The following ARHGAP5 variants were observed in gnomAD, a reference collection of about 807,000 sequenced individuals.
ARHGAP5 encodes the protein rho GTPase-activating protein 5.
ARHGAP5 carries 23 observed loss-of-function variants against 116.6 expected under a neutral mutation model. That is an observed-to-expected ratio of 0.20 (90% confidence interval 0.14 to 0.28). The LOEUF is 0.28. Ranked by LOEUF, ARHGAP5 falls within the 10% of genes least tolerant of loss-of-function variation. ARHGAP5 has a pLI of 1.00. For synonymous variants in ARHGAP5, 574 were observed against 602.0 expected, an observed-to-expected ratio of 0.95 and a Z score of 0.68; for missense variants, 1,405 against 1,774.8, an observed-to-expected ratio of 0.79 and a Z score of 3.74.
chr14:32,146,194 A>G (rs976903594), intron 3 of ARHGAP5, 69 bp from the exon 4 acceptor site: 2 of 1,172,112 alleles, frequency 1.7e-6, no homozygotes, highest in Non-Finnish European at 2.5e-6. Flanking sequence ...TACAAACATG[A>G]GCCACTGTGC....
At chr14:32,148,613 A>G (rs1468203214) in intron 4 of ARHGAP5, among the ~76,000 whole-genome samples, 1 of 152,220 alleles carries the variant, frequency 6.6e-6, no homozygotes, top group Non-Finnish European at 1.5e-5. Flanking sequence ...TTTAAATGAA[A>G]TCTAAATGTT....
intron 3 of ARHGAP5, among the ~76,000 whole-genome samples, chr14:32,129,435 C>A (rs144730253): frequency 1.1e-4 from 16 of 152,218 alleles, no homozygotes; most frequent in Admixed American, 7.2e-4. Context: ...ATCTTTAAAG[C>A]GTAGCAGTTA....
chr14:32,102,334 A>G (rs1055877158), intron 2 of ARHGAP5, among the ~76,000 whole-genome samples: 1 of 152,162 alleles, frequency 6.6e-6, no homozygotes, highest in South Asian at 2.1e-4. Context: ...TTCCTAACCA[A>G]TACAGTCTGT....
chr14:32,123,918 A>C (rs1880014171), intron 3 of ARHGAP5, among the ~76,000 whole-genome samples: 1 of 152,278 alleles, frequency 6.6e-6, no homozygotes, highest in Middle Eastern at 3.4e-3. Flanking sequence ...ATCTTCTGAG[A>C]ATAAAACTTG....
chr14:32,125,149 A>C (rs940929005), intron 3 of ARHGAP5, among the ~76,000 whole-genome samples: 3 of 152,186 alleles, frequency 2.0e-5, no homozygotes, highest in Admixed American at 6.5e-5. Flanking sequence ...CCCTGTACAC[A>C]TTAAGCAGTT....
chr14:32,143,648 T>C lies in ARHGAP5; in HGVS notation c.3866-2615T>C, dbSNP rs560806429. On this transcript the variant is annotated intron_variant, in intron 3 of 6. Coordinates refer to ENST00000345122, the MANE Select transcript of ARHGAP5 (RefSeq NM_001030055.2). ...GCTTGGAGGTCCAGGATGGATACTT[T>C]GGGTGATTTAAGGCCATATAAAACT... 5.3e-5 allele frequency among the ~76,000 whole-genome samples: 8 copies of C among 152,352 alleles called. No homozygotes were observed. In the East Asian group the frequency reaches 1.5e-3, roughly 29 times the overall value.
chr14:32,119,914 G>A (rs370327174), intron 3 of ARHGAP5, among the ~76,000 whole-genome samples: 10 of 152,066 alleles, frequency 6.6e-5, no homozygotes, highest in African/African-American at 2.4e-4. Context: ...GCATCCTGAA[G>A]GATTTTAGTC....
chr14:32,130,361 G>A (rs977229334), intron 3 of ARHGAP5, among the ~76,000 whole-genome samples: 1 of 148,558 alleles, frequency 6.7e-6, no homozygotes, highest in African/African-American at 2.5e-5. Flanking sequence ...ACAGGTGCCT[G>A]CTATCACACC....
intron 1 of ARHGAP5, among the ~76,000 whole-genome samples, chr14:32,086,406 G>A (rs991485887): frequency 1.3e-5 from 2 of 152,112 alleles, no homozygotes; most frequent in Non-Finnish European, 2.9e-5. Flanking sequence ...GCTCTGATAT[G>A]AATAGACTGG....
chr14:32,140,445 G>A (rs1327250305), intron 3 of ARHGAP5, among the ~76,000 whole-genome samples: 1 of 151,884 alleles, frequency 6.6e-6, no homozygotes, highest in Admixed American at 6.6e-5. Context: ...AAATTAGCCA[G>A]GTGTGTTGGC....
intron 1 of ARHGAP5, among the ~76,000 whole-genome samples, chr14:32,088,865 T>C (rs974151237): frequency 5.3e-5 from 8 of 151,970 alleles, no homozygotes; most frequent in Admixed American, 2.0e-4. Context: ...AAATGATTTA[T>C]AGATATAGCT....
intron 3 of ARHGAP5, among the ~76,000 whole-genome samples, chr14:32,139,871 CT>C (rs1881003148): frequency 6.7e-6 from 1 of 148,504 alleles, no homozygotes; most frequent in Non-Finnish European, 1.5e-5. Flanking sequence ...GTATATTGTT[CT>C]TTTTGTTCAT....
At position 32,091,993 on chromosome 14, in the gene ARHGAP5, C is replaced by G; in HGVS notation, c.1324C>G (p.Gln442Glu). The change falls in exon 2 of 7, where the codon CAA (glutamine) becomes GAA (glutamate). Residue 442 changes from glutamine (Q) to glutamate (E), a missense_variant. By Grantham distance (29) the Gln-to-Glu change is conservative. This residue lies in a region of ARHGAP5 where 944 missense variants were observed against 1,095.3 expected (regional missense o/e 0.86). Transcript: ENST00000345122. ...EKFKKTLEKI[Q>E]FISPGQPWEE... ...ATTCAAAAAGACTTTGGAAAAAATT[C>G]AATTCATTTCACCAGGGCAGCCATG... 17 of 1,613,556 alleles carry G rather than the reference C, an allele frequency of 1.1e-5. No homozygotes were observed. The highest frequency in any genetic ancestry group is 1.4e-5 in the Non-Finnish European group (17 of 1,179,676).
chr14:32,082,507 C>T (rs1011229196), intron 1 of ARHGAP5, among the ~76,000 whole-genome samples: 4 of 152,106 alleles, frequency 2.6e-5, no homozygotes, highest in Non-Finnish European at 4.4e-5. Flanking sequence ...AGCCAGTTAC[C>T]AAGCTCTCTT....
intron 6 of ARHGAP5, 156 bp from the exon 7 acceptor site, chr14:32,154,465 C>T: frequency 1.4e-6 from 1 of 692,444 alleles, no homozygotes; most frequent in Non-Finnish European, 2.3e-6. Flanking sequence ...AAGTTTTTTA[C>T]ATACGAATTA....
At chr14:32,149,796 G>T in intron 4 of ARHGAP5, 106 bp from the exon 5 acceptor site, 1 of 594,216 alleles carries the variant, frequency 1.7e-6, no homozygotes, top group Non-Finnish European at 2.5e-6. Context: ...AAAAAGAAAA[G>T]TGGCCCAAGA....
intron 2 of ARHGAP5, among the ~76,000 whole-genome samples, chr14:32,104,056 A>G (rs1451922799): frequency 6.6e-6 from 1 of 152,208 alleles, no homozygotes; most frequent in East Asian, 1.9e-4. Context: ...AAAAATGCAC[A>G]TGCACAAAAT....
intron 3 of ARHGAP5, among the ~76,000 whole-genome samples, chr14:32,131,384 A>G (rs1388367957): frequency 6.6e-6 from 1 of 151,754 alleles, no homozygotes; most frequent in African/African-American, 2.4e-5. Flanking sequence ...AAAATGTGTC[A>G]TGTTAACCAT....
chr14:32,150,003 T>G lies in ARHGAP5; in HGVS notation c.4045T>G (p.Ser1349Ala), dbSNP rs748336066. 4.4e-6 allele frequency: 7 copies of G among 1,606,952 alleles called. No homozygotes were observed. The highest frequency in any genetic ancestry group is 3.4e-6 in the Non-Finnish European group (4 of 1,176,836). The change falls in exon 5 of 7, where the codon TCT becomes GCT. Residue 1349 changes from serine (S) to alanine (A), a missense_variant. Transcript: ENST00000345122. ...TCTGCCAGATCCTTTAATTCCATAT[T>G]CTCTTCATCCAGAACTATTGGAAGC... The part of the protein sequence containing the change: ...ADLPDPLIPY[S>A]LHPELLEAAK...
Sources: gnomAD v4.1 joint callset for allele counts (sites outside exome capture counted in the v4.1 genomes callset) on GRCh38, gnomAD v4.1.1 for gene constraint, gnomAD v4.1.1 regional missense constraint, MANE v1.5 for transcripts, NCBI Gene and HGNC (gene_info 2026-07-23, HGNC 2026-07-21) for gene names.